ANK2: variants seen among roughly 807,000 people sequenced by gnomAD.
ANK2 encodes ankyrin-2.
Under a neutral mutation model 360.5 loss-of-function variants are expected in ANK2, and 83 were observed. The observed-to-expected ratio is 0.23, with a 90% CI of 0.19 to 0.28. The LOEUF is 0.28. Ranked by LOEUF, ANK2 falls within the 10% of genes least tolerant of loss-of-function variation. The pLI is 1.00. For synonymous variants in ANK2, 1,740 were observed against 1,759.5 expected, an observed-to-expected ratio of 0.99 and a Z score of 0.28; for missense variants, 4,201 against 4,795.7, an observed-to-expected ratio of 0.88 and a Z score of 3.66.
chr4:112,736,370 CAGG>C, the ANK2 span, among the ~76,000 whole-genome samples: 1 of 150,868 alleles, frequency 6.6e-6, no homozygotes, highest in Non-Finnish European at 1.5e-5. Context: ...GAGGCTGAGG[CAGG>C]AGAATTGCTT....
chr4:113,259,376 T>C (rs2051318212), intron 13 of ANK2, among the ~76,000 whole-genome samples: 1 of 152,188 alleles, frequency 6.6e-6, no homozygotes, highest in Non-Finnish European at 1.5e-5. Context: ...TTGTTGCTAA[T>C]TTTTGGCATC....
At chr4:113,048,901 G>C (rs552118219), upstream of ANK2, among the ~76,000 whole-genome samples, 1 of 144,720 alleles carries the variant, frequency 6.9e-6, no homozygotes, top group African/African-American at 2.6e-5. Context: ...GGGAAATTCA[G>C]TTCTCCCCCT....
intron 14 of ANK2, among the ~76,000 whole-genome samples, chr4:113,266,421 T>G (rs894249010): frequency 6.6e-6 from 1 of 152,242 alleles, no homozygotes; most frequent in African/African-American, 2.4e-5. Flanking sequence ...AACATATGTG[T>G]GCATGTGTCT....
At chr4:113,233,823 A>G (rs778098975) in intron 5 of ANK2, among the ~76,000 whole-genome samples, 58 of 152,062 alleles carry the variant, frequency 3.8e-4, no homozygotes, top group Non-Finnish European at 5.3e-4. Context: ...TGAGTTCTCT[A>G]TTCAATACAC....
At chr4:113,194,850 A>G (rs2098725220) in intron 2 of ANK2, among the ~76,000 whole-genome samples, 1 of 152,150 alleles carries the variant, frequency 6.6e-6, no homozygotes, top group Admixed American at 6.5e-5. Flanking sequence ...TGACTTATCA[A>G]TAGTATCCTG....
Position 113,278,450 on chromosome 4 carries a change from C to A in ANK2, c.1783-10C>A, listed in dbSNP as rs2153700608. 1 of 1,613,228 alleles carries A rather than the reference C, an allele frequency of 6.2e-7. No homozygotes were observed. The highest frequency in any genetic ancestry group is 8.5e-7 in the Non-Finnish European group (1 of 1,179,306). ...TTATTAATGCTGAAACTTAAACACA[C>A]CCTTTACAGAACGGCCTTACCCCGC... On this transcript the variant is annotated splice_polypyrimidine_tract_variant and intron_variant, in intron 16 of 45. Transcript: ENST00000357077.
intron 1 of ANK2, among the ~76,000 whole-genome samples, chr4:113,059,904 A>G (rs1020059499): frequency 2.0e-5 from 3 of 152,152 alleles, no homozygotes; most frequent in Non-Finnish European, 4.4e-5. Flanking sequence ...CATAAGAGCC[A>G]GTTATCTTCA....
the ANK2 span, among the ~76,000 whole-genome samples, chr4:112,781,641 C>T: frequency 1.3e-5 from 2 of 151,662 alleles, no homozygotes; most frequent in Non-Finnish European, 2.9e-5. Context: ...CACACAGACT[C>T]TATTTTTTTT....
intron 1 of ANK2, among the ~76,000 whole-genome samples, chr4:113,154,786 A>G (rs1383233246): frequency 1.3e-5 from 2 of 152,180 alleles, no homozygotes; most frequent in Non-Finnish European, 1.5e-5. Flanking sequence ...CCACCAATCA[A>G]TTCTTTAAAG....
At chr4:113,205,808 C>G (rs1443871157) in intron 4 of ANK2, among the ~76,000 whole-genome samples, 1 of 152,164 alleles carries the variant, frequency 6.6e-6, no homozygotes, top group African/African-American at 2.4e-5. Flanking sequence ...AGGAAGGAAA[C>G]ACACACAGTT....
At chr4:112,755,387 G>T in the ANK2 span, among the ~76,000 whole-genome samples, 1 of 152,226 alleles carries the variant, frequency 6.6e-6, no homozygotes, top group Non-Finnish European at 1.5e-5. Flanking sequence ...CAGGCTTTGT[G>T]TGAGCAACAA....
At chr4:112,891,936 GGAAT>G (rs1480637658) in intron 1 of ANK2, among the ~76,000 whole-genome samples, 1 of 152,144 alleles carries the variant, frequency 6.6e-6, no homozygotes, top group Non-Finnish European at 1.5e-5. Flanking sequence ...ATTTACTAAA[GGAAT>G]GAATGAATAA....
chr4:112,979,169 G>A (rs936255042), intron 2 of ANK2, among the ~76,000 whole-genome samples: 7 of 152,194 alleles, frequency 4.6e-5, no homozygotes, highest in African/African-American at 1.7e-4. Context: ...TCCCATATCT[G>A]CCAAGGGCGA....
intron 2 of ANK2, among the ~76,000 whole-genome samples, chr4:112,976,049 T>C (rs1327027931): frequency 6.6e-6 from 1 of 152,216 alleles, no homozygotes; most frequent in Non-Finnish European, 1.5e-5. Context: ...ACATTTTTTT[T>C]CATTTTATGT....
the ANK2 span, among the ~76,000 whole-genome samples, chr4:112,783,432 C>G: frequency 1.3e-5 from 2 of 152,056 alleles, no homozygotes; most frequent in African/African-American, 4.8e-5. Context: ...CCAAGTGTAT[C>G]CTCCATTAAT....
At chr4:112,759,857 A>G in the ANK2 span, among the ~76,000 whole-genome samples, 2 of 152,192 alleles carry the variant, frequency 1.3e-5, no homozygotes, top group Non-Finnish European at 2.9e-5. Context: ...ACCAAGTTCC[A>G]ACTGATTCCA....
At chr4:113,228,928 G>C (rs74367714) in intron 4 of ANK2, among the ~76,000 whole-genome samples, 1 of 152,120 alleles carries the variant, frequency 6.6e-6, no homozygotes, top group African/African-American at 2.4e-5. Flanking sequence ...GGAATGCTTG[G>C]AGTTGCACAC....
At chr4:113,150,987 A>G (rs983763754) in intron 1 of ANK2, 1 of 854,356 alleles carries the variant, frequency 1.2e-6, no homozygotes, top group Non-Finnish European at 1.6e-6. Context: ...GCTAATAGGT[A>G]CTTAGTAAAT....
In ANK2 at chr4:112,927,788, A is replaced by G. The variant is rs143244529; in HGVS notation, c.21+23274A>G. Among the ~76,000 whole-genome samples, 365 of 152,320 alleles carry G rather than the reference A, an allele frequency of 2.4e-3. 1 individual carries two copies. Among genetic ancestry groups the G allele is most frequent in the African/African-American group, 8.0e-3 (333 of 41,570 alleles). ...GCAACAGGCAAAACATGTCAAAGTG[A>G]TATGTAACTTGTACATATTTCTCTG... is the stretch of plus-strand genomic sequence containing the variant. On this transcript the variant is annotated intron_variant, in intron 2 of 30. Transcript: ENST00000503271.
Sources: allele counts gnomAD v4.1 joint callset (sites outside exome capture counted in the v4.1 genomes callset), GRCh38; gene constraint gnomAD v4.1.1; transcripts MANE v1.5; gene names NCBI Gene and HGNC (gene_info 2026-07-23, HGNC 2026-07-21).